WRN: variants seen among roughly 807,000 people sequenced by gnomAD.
WRN encodes bifunctional 3'-5' exonuclease/ATP-dependent helicase WRN.
A neutral mutation model predicts 180.7 loss-of-function variants in WRN; 149 were observed. The observed-to-expected ratio is 0.82, with a 90% CI of 0.72 to 0.94. The LOEUF (loss-of-function observed/expected upper bound fraction) is 0.94, where lower values mean the gene tolerates loss of function less well. Among genes scored for constraint, WRN ranks in the 40% least tolerant of loss-of-function variants. The pLI, the probability that WRN is intolerant of heterozygous loss-of-function variation, is 0.00. For synonymous variants in WRN, 548 were observed against 568.9 expected, an observed-to-expected ratio of 0.96 and a Z score of 0.52; for missense variants, 1,661 against 1,700.1, an observed-to-expected ratio of 0.98 and a Z score of 0.40.
rs760671519 is a variant in WRN, at chr8:31,174,766, TTCTC to T, written c.*1668_*1671del. ...TTCTTCTTCCTCTTCCTCTTCTTCTTTCTCTCTTTCCTTCCTTCCCTTCCCTTCC... is the reference window on the plus strand; with the variant it reads ...TTCTTCTTCCTCTTCCTCTTCTTCTTTCTTTCCTTCCTTCCCTTCCCTTCC... On this transcript the variant is annotated 3_prime_UTR_variant, in exon 35 of 35. Coordinates refer to ENST00000298139, the MANE Select transcript of WRN (RefSeq NM_000553.6). Among the ~76,000 whole-genome samples, 1 of 143,904 alleles carries T rather than the reference TTCTC, an allele frequency of 6.9e-6. No homozygotes were observed. The highest frequency in any genetic ancestry group is 2.5e-5 in the African/African-American group (1 of 39,752). The allele number at this position is 143,904 out of a possible 152,430, so 94.4% of individuals were successfully genotyped here.
chr8:31,087,782 G>C lies in WRN; in HGVS notation c.1438G>C (p.Glu480Gln). 1 of 1,613,294 alleles carries C rather than the reference G, an allele frequency of 6.2e-7. No individual in the cohort carries two copies. The highest frequency in any genetic ancestry group is 8.5e-7 in the Non-Finnish European group (1 of 1,179,550). Residue 480 changes from glutamate to glutamine, a missense_variant, in exon 12 of 35, where the codon GAA (glutamate) becomes CAA (glutamine). By Grantham distance (29) the Glu-to-Gln change is conservative. This residue lies in a region of WRN where 1,141 missense variants were observed against 1,149.4 expected (regional missense o/e 0.99). Coordinates refer to ENST00000298139, the MANE Select transcript of WRN (RefSeq NM_000553.6). ...DLEMEMLKSL[E>Q]NLNSGTVEPT... ...ATTTCTTTTAAACTTTCAGTCTTTA[G>C]AAAACCTCAATAGTGGCACGGTAGA... is the stretch of plus-strand genomic sequence containing the variant.
chr8:31,099,566 TTTG>T (rs1814131916), intron 17 of WRN, among the ~76,000 whole-genome samples: 7 of 149,346 alleles, frequency 4.7e-5, no homozygotes, highest in African/African-American at 1.8e-4. Flanking sequence ...TGTTTGTTTG[TTTG>T]TTTTTTTTTT....
intron 2 of WRN, 142 bp downstream of exon 2, chr8:31,058,685 T>A: frequency 1.3e-6 from 1 of 796,180 alleles, no homozygotes. Flanking sequence ...ACCTAGTTGT[T>A]GAAAGGGTAA....
chr8:31,072,529 T>A (rs1371013671), intron 7 of WRN, among the ~76,000 whole-genome samples: 1 of 152,140 alleles, frequency 6.6e-6, no homozygotes, highest in Non-Finnish European at 1.5e-5. Context: ...AGACAGGGTC[T>A]CATTATGTTG....
chr8:31,059,277 GA>G lies in WRN; in HGVS notation c.209+14del, dbSNP rs1174011347. On this transcript the variant is annotated intron_variant, in intron 3 of 34. Coordinates refer to ENST00000298139, the MANE Select transcript of WRN (RefSeq NM_000553.6). The stretch of plus-strand genomic sequence containing the variant: ...TCAGAAGATATTAGGTAAGTGATTT[GA>G]ATTTCCTGATTTTATTTGAATTTGG... 1.2e-5 allele frequency: 19 copies of G among 1,597,954 alleles called. No individual in the cohort carries two copies. The highest frequency in any genetic ancestry group is 1.6e-5 in the Non-Finnish European group (19 of 1,165,662).
intron 34 of WRN, chr8:31,171,493 AGTATTTATT>A (rs1804101324): frequency 6.6e-6 from 1 of 152,316 alleles, no homozygotes; most frequent in Non-Finnish European, 1.5e-5. Flanking sequence ...TTATATCCCC[AGTATTTATT>A]ATTTCTAAGT....
intron 15 of WRN, among the ~76,000 whole-genome samples, chr8:31,091,339 C>T (rs1270461659): frequency 6.6e-6 from 1 of 152,042 alleles, no homozygotes; most frequent in Non-Finnish European, 1.5e-5. Context: ...TAAATTGATA[C>T]ATAATATCTT....
At position 31,044,287 on chromosome 8, in the gene WRN, C is replaced by T. The variant is rs188534534; in HGVS notation, c.-77+10314C>T. On this transcript the variant is annotated intron_variant, in intron 1 of 34. Transcript: ENST00000298139. ...CAATCTCCTGACCTTGTTATCTGCC[C>T]GCCTTGGCTTCCCAAAGTGCTAGGA... Among the ~76,000 whole-genome samples the T allele has an allele frequency of 8.1e-3, 1,225 of 151,210 alleles. 13 individuals are homozygous for T. Among genetic ancestry groups the T allele is most frequent in the Non-Finnish European group, 0.014 (972 of 67,890 alleles).
At chr8:31,170,954 A>G (rs1206152487) in intron 34 of WRN, among the ~76,000 whole-genome samples, 3 of 152,224 alleles carry the variant, frequency 2.0e-5, no homozygotes, top group Non-Finnish European at 1.5e-5. Context: ...GATATTCGCT[A>G]CCAATTAATG....
chr8:31,114,527 AAG>A (rs551146582), intron 19 of WRN, among the ~76,000 whole-genome samples: 178 of 152,340 alleles, frequency 1.2e-3, no homozygotes, highest in African/African-American at 3.2e-3. Flanking sequence ...TTTTTTAAAA[AAG>A]AGTGATATGT....
chr8:31,148,425 A>G (rs542174542), intron 30 of WRN, among the ~76,000 whole-genome samples: 1 of 152,082 alleles, frequency 6.6e-6, no homozygotes, highest in East Asian at 1.9e-4. Flanking sequence ...TTTTTTTTCT[A>G]GCTTAGAATT....
chr8:31,126,203 A>G (rs1173518956), intron 23 of WRN, among the ~76,000 whole-genome samples: 2 of 152,186 alleles, frequency 1.3e-5, no homozygotes, highest in African/African-American at 4.8e-5. Context: ...AGTAGAGTAC[A>G]CATTCAAGTG....
chr8:31,154,902 ATGTTG>A, intron 32 of WRN, 147 bp downstream of exon 32: 1 of 1,151,540 alleles, frequency 8.7e-7, no homozygotes, highest in Non-Finnish European at 1.2e-6. Flanking sequence ...TTAAAAGAGA[ATGTTG>A]TTTTCTTTTT....
chr8:31,168,781 T>C (rs539341045), intron 34 of WRN, among the ~76,000 whole-genome samples: 1 of 152,200 alleles, frequency 6.6e-6, no homozygotes, highest in African/African-American at 2.4e-5. Flanking sequence ...TATCCCTTAG[T>C]CTATTTCATT....
intron 4 of WRN, 152 bp downstream of exon 4, chr8:31,064,586 C>T: frequency 8.3e-7 from 1 of 1,201,228 alleles, no homozygotes; most frequent in Middle Eastern, 2.8e-4. Flanking sequence ...ACTCACATTC[C>T]TTGTTTTATT....
chr8:31,074,355 G>A (rs542113108), intron 7 of WRN, among the ~76,000 whole-genome samples: 53 of 152,224 alleles, frequency 3.5e-4, no homozygotes, highest in African/African-American at 1.2e-3. Context: ...AAGGAATTTC[G>A]CTATAAATGG....
At chr8:31,166,691 A>T (rs543294042) in intron 33 of WRN, among the ~76,000 whole-genome samples, 13 of 152,286 alleles carry the variant, frequency 8.5e-5, no homozygotes, top group African/African-American at 3.1e-4. Flanking sequence ...GATATTTGGA[A>T]TTGGAAGCAC....
At chr8:31,075,178 G>A (rs1323551478) in intron 7 of WRN, among the ~76,000 whole-genome samples, 1 of 152,168 alleles carries the variant, frequency 6.6e-6, no homozygotes, top group African/African-American at 2.4e-5. Context: ...AGGGATGAAA[G>A]GATGCAGTTT....
At chr8:31,107,249 T>C (rs553173456) in intron 18 of WRN, among the ~76,000 whole-genome samples, 1,516 of 55,818 alleles carry the variant, frequency 0.027, 14 homozygotes, top group Middle Eastern at 0.061. Flanking sequence ...GAGGACCGAT[T>C]TCCATTAATT....
Sources: gnomAD v4.1 joint callset for allele counts (sites outside exome capture counted in the v4.1 genomes callset) on GRCh38, gnomAD v4.1.1 for gene constraint, gnomAD v4.1.1 regional missense constraint, MANE v1.5 for transcripts, NCBI Gene and HGNC (gene_info 2026-07-23, HGNC 2026-07-21) for gene names.